FRMD4B: variants seen among roughly 807,000 people sequenced by gnomAD.
FRMD4B encodes FERM domain-containing protein 4B.
In FRMD4B, 74 loss-of-function variants were observed where a neutral mutation model predicts 141.5. The observed-to-expected ratio is 0.52, with a 90% confidence interval of 0.43 to 0.63. The LOEUF (loss-of-function observed/expected upper bound fraction) is 0.63. Ranked by LOEUF, FRMD4B falls within the 30% of genes least tolerant of loss-of-function variation. FRMD4B has a pLI of 0.00. For missense variants in FRMD4B, 1,366 were observed against 1,253.4 expected, an observed-to-expected ratio of 1.09 and a Z score of -1.36; for synonymous variants, 506 against 467.9, an observed-to-expected ratio of 1.08 and a Z score of -1.05.
At chr3:69,435,105 A>C (rs1032935592) in intron 1 of FRMD4B, among the ~76,000 whole-genome samples, 2 of 152,186 alleles carry the variant, frequency 1.3e-5, no homozygotes, top group Admixed American at 1.3e-4. Context: ...ACCTCTTTAG[A>C]GACCCTATCC....
intron 1 of FRMD4B, among the ~76,000 whole-genome samples, chr3:69,330,342 T>C (rs113493382): frequency 7.6e-4 from 20 of 26,336 alleles, no homozygotes; most frequent in African/African-American, 3.9e-3. Context: ...TCTTTTGCCT[T>C]TTTTTTTTTT....
intron 1 of FRMD4B, among the ~76,000 whole-genome samples, chr3:69,378,766 A>G (rs766585050): frequency 6.6e-6 from 1 of 152,030 alleles, no homozygotes; most frequent in African/African-American, 2.4e-5. Flanking sequence ...ATTATTCTCA[A>G]TCAAAATCTC....
chr3:69,404,418 T>C (rs968077426), intron 2 of FRMD4B, among the ~76,000 whole-genome samples: 3 of 152,226 alleles, frequency 2.0e-5, no homozygotes, highest in Admixed American at 2.0e-4. Flanking sequence ...ATGTGATTAT[T>C]AGAGTTAGAA....
chr3:69,385,779 G>C, intron 1 of FRMD4B, 49 bp downstream of exon 1: 1 of 1,450,296 alleles, frequency 6.9e-7, no homozygotes, highest in Non-Finnish European at 9.2e-7. Context: ...CTTCCCACGA[G>C]TGCCCGGCAT....
upstream of FRMD4B, among the ~76,000 whole-genome samples, chr3:69,389,992 T>C (rs1473531790): frequency 6.6e-6 from 1 of 152,078 alleles, no homozygotes; most frequent in Admixed American, 6.5e-5. Flanking sequence ...TTCCTGCAGC[T>C]CTCTCTGGAG....
chr3:69,325,008 G>A (rs1411583966), intron 1 of FRMD4B, among the ~76,000 whole-genome samples: 3 of 150,486 alleles, frequency 2.0e-5, no homozygotes, highest in Admixed American at 1.3e-4. Context: ...GAGCCCAGGT[G>A]TTTCGAGTTG....
chr3:69,214,472 A>C (rs940487654), intron 11 of FRMD4B, among the ~76,000 whole-genome samples: 6 of 152,138 alleles, frequency 3.9e-5, no homozygotes, highest in Non-Finnish European at 8.8e-5. Context: ...CTGTCATACC[A>C]AAGGAAGCCA....
At chr3:69,493,052 G>C (rs572345985) in intron 1 of FRMD4B, among the ~76,000 whole-genome samples, 2 of 152,324 alleles carry the variant, frequency 1.3e-5, no homozygotes, top group South Asian at 4.1e-4. Context: ...GTTACTTGAA[G>C]AACTGGCAAA....
intron 1 of FRMD4B, among the ~76,000 whole-genome samples, chr3:69,360,730 T>C (rs1362507611): frequency 6.6e-6 from 1 of 152,212 alleles, no homozygotes; most frequent in East Asian, 1.9e-4. Context: ...TGTAGGTTGG[T>C]TGAGTCCCAA....
At chr3:69,516,152 G>A (rs1007555117) in intron 1 of FRMD4B, among the ~76,000 whole-genome samples, 5 of 152,054 alleles carry the variant, frequency 3.3e-5, no homozygotes, top group African/African-American at 1.2e-4. Context: ...TTCAACCCAG[G>A]GGTTTGAGGC....
At chr3:69,265,987 A>C (rs1444984198) in intron 5 of FRMD4B, among the ~76,000 whole-genome samples, 2 of 151,918 alleles carry the variant, frequency 1.3e-5, no homozygotes, top group East Asian at 3.9e-4. Flanking sequence ...GCTTGAGCAC[A>C]GTAGTTCTAG....
chr3:69,297,780 C>T (rs1347358278), intron 4 of FRMD4B, among the ~76,000 whole-genome samples: 1 of 152,118 alleles, frequency 6.6e-6, no homozygotes, highest in African/African-American at 2.4e-5. Flanking sequence ...GGAAGTCCCC[C>T]AGAAACCTGG....
At chr3:69,233,311 G>C (rs7626870) in intron 7 of FRMD4B, among the ~76,000 whole-genome samples, 97,456 of 151,464 alleles carry the variant, frequency 0.64, 33,761 homozygotes, top group South Asian at 0.85. Flanking sequence ...GTGAAACCTT[G>C]TCTCTATGAA....
chr3:69,383,247 T>C (rs1330683324), intron 1 of FRMD4B, among the ~76,000 whole-genome samples: 1 of 152,264 alleles, frequency 6.6e-6, no homozygotes, highest in African/African-American at 2.4e-5. Context: ...CTTTTAGTTC[T>C]ACACAATTAA....
intron 1 of FRMD4B, among the ~76,000 whole-genome samples, chr3:69,370,234 A>G (rs566585236): frequency 6.6e-6 from 1 of 152,174 alleles, no homozygotes; most frequent in South Asian, 2.1e-4. Flanking sequence ...AAAAACGTAC[A>G]TAGAAATGCC....
intron 1 of FRMD4B, among the ~76,000 whole-genome samples, chr3:69,505,518 T>C (rs1566330): frequency 0.24 from 35,844 of 152,198 alleles, 4,390 homozygotes; most frequent in African/African-American, 0.29. Context: ...AAGTGGCAGA[T>C]AGTCTCTTTA....
chr3:69,472,921 CTTTCTTTTTTTTT>C (rs1470585409), intron 1 of FRMD4B, among the ~76,000 whole-genome samples: 7 of 88,640 alleles, frequency 7.9e-5, no homozygotes, highest in East Asian at 3.6e-4. Context: ...TCAAGTGAGT[CTTTCTTTTTTTTT>C]TTTCTTTTTT....
chr3:69,207,850 C>T (rs2093038854), intron 11 of FRMD4B, among the ~76,000 whole-genome samples: 1 of 152,052 alleles, frequency 6.6e-6, no homozygotes, highest in African/African-American at 2.4e-5. Context: ...GATGGTTCTG[C>T]CTGTCTGGCA....
chr3:69,193,022 C>T (rs559215501), intron 17 of FRMD4B, among the ~76,000 whole-genome samples: 32 of 152,008 alleles, frequency 2.1e-4, no homozygotes, highest in African/African-American at 7.0e-4. Context: ...GGTTTCACCA[C>T]GCTTCCCAGG....
Sources: gnomAD v4.1 joint callset for allele counts (sites outside exome capture counted in the v4.1 genomes callset) on GRCh38, gnomAD v4.1.1 for gene constraint, MANE v1.5 for transcripts, NCBI Gene and HGNC (gene_info 2026-07-23, HGNC 2026-07-21) for gene names.